The following LMF1 variants were observed in gnomAD, a reference collection of about 807,000 sequenced individuals.
The protein encoded by LMF1 is transmembrane protein 112.
LMF1 carries 68 observed loss-of-function variants against 60.6 expected under a neutral mutation model. The ratio of observed to expected loss-of-function variants is 1.12; its 90% CI spans 0.92 to 1.37. The LOEUF (loss-of-function observed/expected upper bound fraction) is 1.37. Among genes scored for constraint, LMF1 ranks in the 40% most tolerant of loss-of-function variants. The pLI is 0.00. For missense variants in LMF1, 948 were observed against 767.2 expected (o/e 1.24, Z -2.78); for synonymous variants, 418 against 324.7 (o/e 1.29, Z -3.09).
At chr16:879,296 C>G (rs906980873) in intron 6 of LMF1, among the ~76,000 whole-genome samples, 1 of 152,204 alleles carries the variant, frequency 6.6e-6, no homozygotes, top group Non-Finnish European at 1.5e-5. Flanking sequence ...CACTGCCGAG[C>G]CCAGGACATG....
chr16:856,724 G>C (rs1388975745), intron 10 of LMF1, among the ~76,000 whole-genome samples: 1 of 152,264 alleles, frequency 6.6e-6, no homozygotes, highest in Non-Finnish European at 1.5e-5. Context: ...CCAGGCCCCA[G>C]CGGCCTGAAG....
At chr16:932,838 G>A (rs78587182) in intron 3 of LMF1, among the ~76,000 whole-genome samples, 3 of 152,152 alleles carry the variant, frequency 2.0e-5, no homozygotes, top group Non-Finnish European at 4.4e-5. Context: ...CACTGCGGGG[G>A]AGGCCCAGGG....
intron 2 of LMF1, among the ~76,000 whole-genome samples, chr16:946,621 C>T (rs142294764): frequency 0.02 from 3,093 of 152,322 alleles, 53 homozygotes; most frequent in Middle Eastern, 0.044. Context: ...TGCTCACAGG[C>T]CCCTCTCGTG....
chr16:910,313 C>G (rs908160305), intron 4 of LMF1, among the ~76,000 whole-genome samples: 1 of 152,158 alleles, frequency 6.6e-6, no homozygotes, highest in Non-Finnish European at 1.5e-5. Context: ...AGCCCGCCGC[C>G]CCCACACCAG....
At chr16:863,947 C>T (rs946916316) in intron 10 of LMF1, among the ~76,000 whole-genome samples, 1 of 152,254 alleles carries the variant, frequency 6.6e-6, no homozygotes, top group East Asian at 1.9e-4. Flanking sequence ...GTGGCATATT[C>T]TATAAACATC....
intron 6 of LMF1, chr16:871,912 T>A (rs1464541170): frequency 6.5e-6 from 1 of 152,736 alleles, no homozygotes; most frequent in African/African-American, 2.4e-5. Context: ...AGGGGCTGCA[T>A]GCAGGGCTGG....
At chr16:914,729 C>T (rs2071230462) in intron 3 of LMF1, among the ~76,000 whole-genome samples, 1 of 59,530 alleles carries the variant, frequency 1.7e-5, no homozygotes, top group Non-Finnish European at 3.2e-5. Context: ...GTGACACTCT[C>T]CCTCCCTCCC....
In LMF1 at chr16:962,554, C is replaced by T. The variant is rs952319806; in HGVS notation, c.194-7888G>A. Among the ~76,000 whole-genome samples the T allele has an allele frequency of 2.6e-5, 4 of 152,170 alleles. No individual in the cohort carries two copies. The highest frequency in any genetic ancestry group is 6.5e-5 in the Admixed American group (1 of 15,284). ...TGATACGGTGTGACGGGAAGGGCCC[C>T]GCACCTCTGTGGGCGTCTTCCCAAA... On this transcript the variant is annotated intron_variant, in intron 1 of 10. Coordinates refer to ENST00000262301, the MANE Select transcript of LMF1 (RefSeq NM_022773.4). This position sits in a 1 kb window ranked among gnomAD's most constrained non-coding sequence, Gnocchi z 4.5.
chr16:936,088 G>A (rs2071933766), intron 2 of LMF1, among the ~76,000 whole-genome samples: 1 of 148,106 alleles, frequency 6.8e-6, no homozygotes, highest in South Asian at 2.1e-4. Flanking sequence ...CTGGGAGGGA[G>A]AGAGGGCACC....
chr16:910,452 T>C (rs1596973133), intron 4 of LMF1, among the ~76,000 whole-genome samples: 1 of 152,106 alleles, frequency 6.6e-6, no homozygotes, highest in Non-Finnish European at 1.5e-5. Flanking sequence ...CAAGAGACCA[T>C]GAGGAGGCCG....
chr16:914,681 C>CTCCCA (rs374201487), intron 3 of LMF1, among the ~76,000 whole-genome samples: 4 of 10,656 alleles, frequency 3.8e-4, no homozygotes, highest in Middle Eastern at 0.071. Flanking sequence ...CCCTCCCTCC[C>CTCCCA]ATGACCATTG....
At chr16:955,739 G>T (rs1036639518) in intron 1 of LMF1, among the ~76,000 whole-genome samples, 4 of 152,222 alleles carry the variant, frequency 2.6e-5, no homozygotes, top group Non-Finnish European at 4.4e-5. Context: ...TAAATTGCGT[G>T]CCTGGCTACA....
rs1018859227 is a variant in LMF1, at chr16:861,360, T to C, written c.1530-6654A>G. The stretch of plus-strand genomic sequence containing the variant: ...TCACTTATTAATTTTCTTTCTTTTT[T>C]TTTTTTTTTTTTTTTGAGATGGAGT... On this transcript the variant is annotated intron_variant, in intron 10 of 10. Transcript: ENST00000262301. 1.8e-3 allele frequency among the ~76,000 whole-genome samples: 257 copies of C among 145,758 alleles called. 2 individuals are homozygous for C. The highest frequency in any genetic ancestry group is 5.5e-3 in the African/African-American group (217 of 39,292).
At chr16:966,708 C>T (rs942771280) in intron 1 of LMF1, among the ~76,000 whole-genome samples, 1 of 152,196 alleles carries the variant, frequency 6.6e-6, no homozygotes, top group Non-Finnish European at 1.5e-5. Flanking sequence ...CCATGTCAGC[C>T]TCAGGACGGC....
At chr16:911,668 GGCAGCACTGGGGGA>G (rs745654409) in intron 3 of LMF1, among the ~76,000 whole-genome samples, 21 of 64,048 alleles carry the variant, frequency 3.3e-4, no homozygotes, top group East Asian at 1.1e-3. Flanking sequence ...GCACTGGGGG[GGCAGCACTGGGGGA>G]GCAGCACTGG....
chr16:971,060 GCCGGC>G, upstream of LMF1: 10 of 1,337,492 alleles, frequency 7.5e-6, no homozygotes, highest in Non-Finnish European at 9.7e-6. Flanking sequence ...CCTCTCCCTG[GCCGGC>G]CCTGCCCACG....
At chr16:945,868 G>T (rs12447405) in intron 2 of LMF1, among the ~76,000 whole-genome samples, 9,538 of 152,268 alleles carry the variant, frequency 0.063, 307 homozygotes, top group Non-Finnish European at 0.073. Context: ...AGCTCTGGAC[G>T]CAGGAGACTG....
chr16:908,012 C>A (rs908635332), intron 4 of LMF1, among the ~76,000 whole-genome samples: 1 of 152,194 alleles, frequency 6.6e-6, no homozygotes. Context: ...GGCTCCTCTG[C>A]GGGGCCGGCT....
At chr16:935,769 A>T (rs2071924608) in intron 2 of LMF1, among the ~76,000 whole-genome samples, 1 of 152,246 alleles carries the variant, frequency 6.6e-6, no homozygotes, top group South Asian at 2.1e-4. Flanking sequence ...AGGGTGTGGG[A>T]CGGCCCTCAG....
Sources: allele counts gnomAD v4.1 joint callset (sites outside exome capture counted in the v4.1 genomes callset), GRCh38; gene constraint gnomAD v4.1.1; non-coding constraint Gnocchi (gnomAD v3.1); transcripts MANE v1.5; gene names NCBI Gene and HGNC (gene_info 2026-07-23, HGNC 2026-07-21).